Variants in HS3ST3B1 observed in about 807,000 individuals in gnomAD.
HS3ST3B1 encodes the protein heparan sulfate-glucosamine 3-sulfotransferase 3B1.
In HS3ST3B1, 13 loss-of-function variants were observed where a neutral mutation model predicts 21.3. The ratio of observed to expected loss-of-function variants is 0.61; its 90% CI spans 0.40 to 0.97. The LOEUF (loss-of-function observed/expected upper bound fraction) is 0.97, where lower values mean the gene tolerates loss of function less well. Among genes scored for constraint, HS3ST3B1 ranks in the 50% least tolerant of loss-of-function variants. The probability of loss-of-function intolerance (pLI) is 0.00; values close to 1 mark genes in which losing one functional copy is unlikely to be tolerated. For missense variants in HS3ST3B1, 459 were observed against 554.8 expected, an observed-to-expected ratio of 0.83 and a Z score of 1.73; for synonymous variants, 234 against 254.8, an observed-to-expected ratio of 0.92 and a Z score of 0.78.
At chr17:14,310,756 T>C (rs1340541165) in intron 1 of HS3ST3B1, among the ~76,000 whole-genome samples, 3 of 152,166 alleles carry the variant, frequency 2.0e-5, no homozygotes, top group African/African-American at 7.2e-5. Context: ...TTCCTCCTGA[T>C]GTGCTGTCGG....
Position 14,310,727 on chromosome 17 carries a change from T to G in HS3ST3B1, c.554+8655T>G, listed in dbSNP as rs570032233. ...TCCTGGCCTTGTGTACCGGAAACTC[T>G]CTTGGCTGGATCCAGCCCTTCCTCC... On this transcript the variant is annotated intron_variant, in intron 1 of 1. Transcript: ENST00000360954. Among the ~76,000 whole-genome samples, 4 of 152,310 alleles carry G rather than the reference T, an allele frequency of 2.6e-5. No homozygotes were observed. The South Asian group carries it at 8.3e-4, about 32-fold the overall frequency.
intron 1 of HS3ST3B1, among the ~76,000 whole-genome samples, chr17:14,343,455 AC>A (rs1910453117): frequency 6.6e-6 from 1 of 152,048 alleles, no homozygotes; most frequent in Non-Finnish European, 1.5e-5. Context: ...GAAACTTAGA[AC>A]CCCCTGATCA....
intron 1 of HS3ST3B1, among the ~76,000 whole-genome samples, chr17:14,313,379 C>T (rs1203670281): frequency 1.3e-5 from 2 of 151,606 alleles, no homozygotes; most frequent in Non-Finnish European, 2.9e-5. Context: ...CCACCCCTTA[C>T]CTGTGCCAAG....
At chr17:14,309,458 G>T (rs1227539011) in intron 1 of HS3ST3B1, among the ~76,000 whole-genome samples, 2 of 152,226 alleles carry the variant, frequency 1.3e-5, no homozygotes, top group Non-Finnish European at 1.5e-5. Context: ...GTGCCGGCGG[G>T]ACCCGTCTTC....
intron 1 of HS3ST3B1, among the ~76,000 whole-genome samples, chr17:14,331,076 C>A (rs529699355): frequency 1.4e-4 from 22 of 152,188 alleles, no homozygotes; most frequent in Non-Finnish European, 3.1e-4. Flanking sequence ...TCTAAAAAGT[C>A]CGCTTCCCAG....
chr17:14,326,166 A>T (rs187642502), intron 1 of HS3ST3B1, among the ~76,000 whole-genome samples: 158 of 152,290 alleles, frequency 1.0e-3, no homozygotes, highest in African/African-American at 3.7e-3. Context: ...GTCCAGGAGG[A>T]GGGAAGTCCA....
intron 1 of HS3ST3B1, among the ~76,000 whole-genome samples, chr17:14,313,108 G>A (rs12449370): frequency 0.028 from 2,003 of 72,802 alleles, 52 homozygotes; most frequent in East Asian, 0.049. Flanking sequence ...GTGTGTGTGT[G>A]TATATATATA....
At chr17:14,332,248 G>C (rs138816011) in intron 1 of HS3ST3B1, among the ~76,000 whole-genome samples, 2 of 152,124 alleles carry the variant, frequency 1.3e-5, no homozygotes, top group Non-Finnish European at 2.9e-5. Context: ...ATTGGCTTTC[G>C]GAGAAGACAG....
At position 14,329,367 on chromosome 17, in the gene HS3ST3B1, A is replaced by AAGAAAGAAAGAAAAGG. The variant is rs1555549453; in HGVS notation, c.555-15660_555-15659insGAAAGAAAGAAAAGGA. ...AAAGAAAGAAAGAAAGAAAGAAAGA[A>AAGAAAGAAAGAAAAGG]AAGGAAGGAAGGAAGGAAGGAAGGA... On this transcript the variant is annotated intron_variant, in intron 1 of 1. Transcript: ENST00000360954. 2.3e-3 allele frequency: 247 copies of AAGAAAGAAAGAAAAGG among 106,168 alleles called. 2 individuals carry two copies. The highest frequency in any genetic ancestry group is 0.013 in the East Asian group (45 of 3,440). The allele number at this position is 106,168 out of a possible 1,614,324, so 6.6% of individuals were successfully genotyped here. A position where few individuals can be genotyped will look rare whatever the true frequency, so the allele number is the denominator to read the frequency against.
Position 14,302,005 on chromosome 17 carries a change from G to T in HS3ST3B1, c.487G>T (p.Val163Leu). The change falls in exon 1 of 2, where the codon GTG becomes TTG. Residue 163 changes from valine (V) to leucine (L), a missense_variant. Transcript: ENST00000360954. ...GGAGTTTCTGCGCGTGCACCCCGAC[G>T]TGCGCGCCGTGGGCGCCGAGCCCCA... ...LLEFLRVHPDVRAVGAEPHFF... is the reference protein window; with the variant it reads ...LLEFLRVHPDLRAVGAEPHFF... 6.2e-7 allele frequency: 1 copy of T among 1,609,312 alleles called. No individual in the cohort carries two copies. The highest frequency in any genetic ancestry group is 8.5e-7 in the Non-Finnish European group (1 of 1,179,138).
At chr17:14,338,525 C>T (rs888458386) in intron 1 of HS3ST3B1, among the ~76,000 whole-genome samples, 2 of 151,670 alleles carry the variant, frequency 1.3e-5, no homozygotes, top group African/African-American at 4.9e-5. Flanking sequence ...TCACTGCAAC[C>T]TCTGCGTCCC....
chr17:14,341,345 C>G (rs191409879), intron 1 of HS3ST3B1, among the ~76,000 whole-genome samples: 17 of 152,172 alleles, frequency 1.1e-4, no homozygotes, highest in South Asian at 4.1e-4. Flanking sequence ...TCATTGCCCC[C>G]CTGTGGGGTA....
intron 1 of HS3ST3B1, among the ~76,000 whole-genome samples, chr17:14,339,099 A>T (rs963911234): frequency 6.6e-6 from 1 of 152,148 alleles, no homozygotes; most frequent in African/African-American, 2.4e-5. Context: ...AGCCTCACAA[A>T]CATCTATTAG....
intron 1 of HS3ST3B1, among the ~76,000 whole-genome samples, chr17:14,302,983 C>A (rs150733675): frequency 1.0e-3 from 157 of 152,264 alleles, no homozygotes; most frequent in Middle Eastern, 3.4e-3. Context: ...AGTCGGGTTG[C>A]GGGTCAGGTT....
intron 1 of HS3ST3B1, among the ~76,000 whole-genome samples, chr17:14,310,868 A>G (rs1376928513): frequency 6.6e-6 from 1 of 152,158 alleles, no homozygotes; most frequent in Non-Finnish European, 1.5e-5. Context: ...AGCAGTAAAC[A>G]TCCTGTTCCC....
intron 1 of HS3ST3B1, chr17:14,305,481 A>G (rs915389888): frequency 7.9e-5 from 12 of 152,246 alleles, no homozygotes; most frequent in Non-Finnish European, 1.3e-4. Flanking sequence ...AGTTTGAATG[A>G]CCAAAAATTA....
At chr17:14,338,008 C>T (rs1458494935) in intron 1 of HS3ST3B1, among the ~76,000 whole-genome samples, 2 of 151,670 alleles carry the variant, frequency 1.3e-5, no homozygotes. Flanking sequence ...ATGTTGAAGC[C>T]CCACCCATCC....
At chr17:14,329,345 GAAA>G (rs1198787814) in intron 1 of HS3ST3B1, 5 of 99,636 alleles carry the variant, frequency 5.0e-5, no homozygotes, top group African/African-American at 2.0e-4. Context: ...AAGAAAGAAA[GAAA>G]GAAAGAAAGA....
At chr17:14,332,754 A>G (rs1422490039) in intron 1 of HS3ST3B1, among the ~76,000 whole-genome samples, 2 of 148,936 alleles carry the variant, frequency 1.3e-5, no homozygotes, top group African/African-American at 4.9e-5. Context: ...GGGCAACCCC[A>G]TTCAGCACGG....
Sources: allele counts gnomAD v4.1 joint callset (sites outside exome capture counted in the v4.1 genomes callset), GRCh38; gene constraint gnomAD v4.1.1; transcripts MANE v1.5; gene names NCBI Gene and HGNC (gene_info 2026-07-23, HGNC 2026-07-21).